The following NDRG1 variants were observed in gnomAD, a reference collection of about 807,000 sequenced individuals.
NDRG1 encodes protein NDRG1.
A neutral mutation model predicts 56.9 loss-of-function variants in NDRG1; 32 were observed. That is an observed-to-expected ratio of 0.56 (90% CI 0.42 to 0.76). The LOEUF (loss-of-function observed/expected upper bound fraction) is 0.76, where lower values mean the gene tolerates loss of function less well. Ranked by LOEUF, NDRG1 falls within the 30% of genes least tolerant of loss-of-function variation. The probability of loss-of-function intolerance (pLI) is 0.00; values close to 1 mark genes in which losing one functional copy is unlikely to be tolerated. For synonymous variants in NDRG1, 211 were observed against 204.1 expected (o/e 1.03, Z -0.29); for missense variants, 507 against 545.7 (o/e 0.93, Z 0.71).
intron 3 of NDRG1, among the ~76,000 whole-genome samples, chr8:133,269,622 G>A (rs1035334985): frequency 6.6e-6 from 1 of 152,218 alleles, no homozygotes; most frequent in Non-Finnish European, 1.5e-5. Context: ...TCTGAACCAA[G>A]CTTGGATTCG....
chr8:133,284,893 C>T (rs752155201), intron 1 of NDRG1: 7 of 454,172 alleles, frequency 1.5e-5, no homozygotes, highest in South Asian at 1.1e-4. Flanking sequence ...CTCTCGGCTG[C>T]CTGCTAAAAG....
chr8:133,253,018 G>A (rs1408862195), intron 9 of NDRG1, among the ~76,000 whole-genome samples: 1 of 152,228 alleles, frequency 6.6e-6, no homozygotes, highest in South Asian at 2.1e-4. Context: ...AGTGTCAGAT[G>A]GTCACACATG....
rs751820760 is a variant in NDRG1, at chr8:133,256,914, T to A, written c.451-51A>T. The A allele has an allele frequency of 5.8e-6, 9 of 1,556,830 alleles. No homozygotes were observed. The East Asian group carries it at 1.8e-4, about 31-fold the overall frequency. On this transcript the variant is annotated intron_variant, in intron 7 of 15. Transcript: ENST00000323851. ...CAGACATCCCAGCAATCTGAAACAC[T>A]AGGAACTTTCCAAGGCAAACCAAAG...
chr8:133,287,755 A>G (rs1286902672), intron 1 of NDRG1, among the ~76,000 whole-genome samples: 1 of 152,216 alleles, frequency 6.6e-6, no homozygotes, highest in African/African-American at 2.4e-5. Context: ...GCCTCTGCCC[A>G]CCACATGCCC....
At chr8:133,286,352 T>C (rs1858112977) in intron 1 of NDRG1, among the ~76,000 whole-genome samples, 1 of 152,192 alleles carries the variant, frequency 6.6e-6, no homozygotes, top group Admixed American at 6.5e-5. Flanking sequence ...TTTGGTCAGT[T>C]CTCTTTGGCT....
rs115292090 is a variant in NDRG1, at chr8:133,245,270, G to A, written c.856-880C>T. On this transcript the variant is annotated intron_variant, in intron 13 of 15. Coordinates refer to ENST00000323851, the MANE Select transcript of NDRG1 (RefSeq NM_006096.4). ...CTGTTTCTGGATCTACCATCAAATC[G>A]GCCACCCCACCTCAGTCAGGCCACC... Among the ~76,000 whole-genome samples, 1,086 of 152,098 alleles carry A rather than the reference G, an allele frequency of 7.1e-3. 14 individuals carry two copies. The highest frequency in any genetic ancestry group is 0.025 in the African/African-American group (1,040 of 41,452).
chr8:133,272,606 G>C (rs1857251101), intron 3 of NDRG1, among the ~76,000 whole-genome samples: 1 of 152,182 alleles, frequency 6.6e-6, no homozygotes, highest in Non-Finnish European at 1.5e-5. Flanking sequence ...CGGAGGCCTG[G>C]GTATGAGCCC....
At chr8:133,240,611 C>T (rs765060017) in intron 15 of NDRG1, 3 of 152,196 alleles carry the variant, frequency 2.0e-5, no homozygotes, top group African/African-American at 7.2e-5. Context: ...GGCCAGTGAC[C>T]GGTTCCTTTC....
chr8:133,260,976 C>G (rs1461938739), intron 5 of NDRG1, among the ~76,000 whole-genome samples: 1 of 152,074 alleles, frequency 6.6e-6, no homozygotes, highest in Non-Finnish European at 1.5e-5. Flanking sequence ...AAGGCCATGC[C>G]CATACAGATC....
intron 14 of NDRG1, 108 bp from the exon 15 acceptor site, chr8:133,242,182 G>A: frequency 4.4e-6 from 5 of 1,139,060 alleles, no homozygotes; most frequent in Non-Finnish European, 6.6e-6. Flanking sequence ...TTTGGCTCAA[G>A]ACAAAAGCCA....
intron 9 of NDRG1, among the ~76,000 whole-genome samples, 190 bp downstream of exon 9, chr8:133,254,349 T>TA (rs1223690223): frequency 6.6e-6 from 1 of 152,176 alleles, no homozygotes; most frequent in African/African-American, 2.4e-5. Flanking sequence ...AAAAGACACA[T>TA]AAAAAAGAGA....
intron 3 of NDRG1, among the ~76,000 whole-genome samples, chr8:133,270,566 T>C (rs1162918673): frequency 5.3e-5 from 8 of 152,156 alleles, no homozygotes; most frequent in Non-Finnish European, 1.2e-4. Flanking sequence ...CTTGACCTTT[T>C]GATTCTTGTC....
chr8:133,251,675 TA>T (rs918637210), intron 9 of NDRG1, among the ~76,000 whole-genome samples: 2 of 152,054 alleles, frequency 1.3e-5, no homozygotes, highest in Admixed American at 6.6e-5. Flanking sequence ...GAATGAATCG[TA>T]AAAGGGGAAA....
At chr8:133,296,339 A>C (rs1041953626) in intron 1 of NDRG1, among the ~76,000 whole-genome samples, 19 of 152,230 alleles carry the variant, frequency 1.2e-4, no homozygotes, top group African/African-American at 4.6e-4. Flanking sequence ...AATGTCCGCG[A>C]GACCCCTCTC....
At chr8:133,266,631 A>C (rs1298830535) in intron 3 of NDRG1, among the ~76,000 whole-genome samples, 1 of 152,130 alleles carries the variant, frequency 6.6e-6, no homozygotes, top group African/African-American at 2.4e-5. Flanking sequence ...CCCCCACGCC[A>C]TCCACACCCG....
At chr8:133,263,124 A>G (rs1856740138) in intron 4 of NDRG1, among the ~76,000 whole-genome samples, 1 of 152,238 alleles carries the variant, frequency 6.6e-6, no homozygotes, top group Non-Finnish European at 1.5e-5. Flanking sequence ...ATGCAATTCC[A>G]GTTCCTTGTC....
At position 133,254,422 on chromosome 8, in the gene NDRG1, G is replaced by A. The variant is rs879189789; in HGVS notation, c.594+117C>T. Reference sequence around the variant, plus strand: ...CACATTATCTCATGAGCACCAGCTCGGTGGCCCCCAGTTGATTGTGTCTTG... The same window carrying A: ...CACATTATCTCATGAGCACCAGCTCAGTGGCCCCCAGTTGATTGTGTCTTG... On this transcript the variant is annotated intron_variant, in intron 9 of 15. Coordinates refer to ENST00000323851, the MANE Select transcript of NDRG1 (RefSeq NM_006096.4). 6.3e-6 allele frequency: 6 copies of A among 951,096 alleles called. No individual in the cohort carries two copies. The East Asian group carries it at 7.7e-5, about 12-fold the overall frequency. The allele number at this position is 951,096 out of a possible 1,614,324, so 58.9% of individuals were successfully genotyped here.
In NDRG1 at chr8:133,238,780, A is replaced by G. The variant is rs980105267; in HGVS notation, c.*98T>C. ...CAAAATAAGCTTTGGATTAATACCG[A>G]GTTAGGCGCAGTATGGCAGGCAGGG... On this transcript the variant is annotated 3_prime_UTR_variant, in exon 16 of 16. Transcript: ENST00000323851. 2.2e-6 allele frequency: 3 copies of G among 1,341,840 alleles called. No individual in the cohort carries two copies. The highest frequency in any genetic ancestry group is 1.5e-5 in the African/African-American group (1 of 68,224). 83.1% of individuals were successfully genotyped at this position (1,341,840 alleles called of 1,614,324 possible).
chr8:133,291,234 A>G (rs1858411463), intron 1 of NDRG1, among the ~76,000 whole-genome samples: 1 of 152,224 alleles, frequency 6.6e-6, no homozygotes, highest in African/African-American at 2.4e-5. Context: ...TGTTCTCTCC[A>G]GCACATTGTG....
Sources: allele counts gnomAD v4.1 joint callset (sites outside exome capture counted in the v4.1 genomes callset), GRCh38; gene constraint gnomAD v4.1.1; transcripts MANE v1.5; gene names NCBI Gene and HGNC (gene_info 2026-07-23, HGNC 2026-07-21).